Variants in COL28A1 observed in about 807,000 individuals in gnomAD.
The protein encoded by COL28A1 is collagen alpha-1(XXVIII) chain.
Under a neutral mutation model 150.2 loss-of-function variants are expected in COL28A1, and 161 were observed. The ratio of observed to expected loss-of-function variants is 1.07; its 90% CI spans 0.94 to 1.22. COL28A1 has a LOEUF of 1.22. Ranked by LOEUF, COL28A1 falls within the 50% of genes most tolerant of loss-of-function variation. The pLI is 0.00. For missense variants in COL28A1, 1,617 were observed against 1,388.3 expected (o/e 1.16, Z -2.62); for synonymous variants, 552 against 469.7 (o/e 1.18, Z -2.26).
intron 30 of COL28A1, among the ~76,000 whole-genome samples, chr7:7,378,522 T>C (rs967079729): frequency 6.6e-6 from 1 of 152,122 alleles, no homozygotes; most frequent in African/African-American, 2.4e-5. Context: ...ATCAATGGCA[T>C]TTGCCTCTTA....
chr7:7,493,193 A>T (rs1035327027), intron 11 of COL28A1, among the ~76,000 whole-genome samples: 2 of 151,844 alleles, frequency 1.3e-5, no homozygotes, highest in African/African-American at 4.8e-5. Context: ...TCCCTTCTAT[A>T]TGTAGCATTG....
At chr7:7,517,650 C>T (rs1241817728) in intron 7 of COL28A1, 146 bp downstream of exon 7, 8 of 1,142,308 alleles carry the variant, frequency 7.0e-6, no homozygotes, top group Admixed American at 2.1e-5. Context: ...AAGATCATAT[C>T]TTTCTGATTG....
intron 13 of COL28A1, among the ~76,000 whole-genome samples, chr7:7,478,496 G>A (rs925377275): frequency 5.9e-5 from 9 of 152,376 alleles, no homozygotes; most frequent in Admixed American, 1.3e-4. Flanking sequence ...AGTGGATCTC[G>A]CATGGGCTCG....
rs565873905 is a variant in COL28A1 at position 7,417,832 on chromosome 7, G to C, written c.2136+27C>G. ...CAATCACTCTGGTGAAATCAGAGGT[G>C]ACTCCAGCACAACCCTATTCACTTA... On this transcript the variant is annotated intron_variant, in intron 27 of 34. Transcript: ENST00000399429. The C allele has an allele frequency of 6.9e-6, 11 of 1,591,404 alleles. No individual in the cohort carries two copies. In the East Asian group the frequency reaches 2.0e-4, roughly 29 times the overall value.
At chr7:7,388,340 A>T (rs2128292800) in intron 27 of COL28A1, among the ~76,000 whole-genome samples, 1 of 151,930 alleles carries the variant, frequency 6.6e-6, no homozygotes, top group Non-Finnish European at 1.5e-5. Context: ...AAGGACATGA[A>T]CTCATCCTTT....
intron 20 of COL28A1, 40 bp from the exon 21 acceptor site, chr7:7,440,901 A>G (rs769910095): frequency 4.2e-6 from 4 of 950,314 alleles, no homozygotes; most frequent in Admixed American, 3.5e-5. Context: ...TTCGTATGGT[A>G]TTAGCAACCT....
intron 27 of COL28A1, among the ~76,000 whole-genome samples, chr7:7,406,038 G>A (rs550771288): frequency 1.1e-4 from 17 of 152,216 alleles, no homozygotes; most frequent in African/African-American, 3.6e-4. Context: ...TTGTGATCCT[G>A]CTGCTTTATA....
chr7:7,470,989 A>T (rs2128346465), intron 15 of COL28A1, among the ~76,000 whole-genome samples: 1 of 138,896 alleles, frequency 7.2e-6, no homozygotes, highest in Non-Finnish European at 1.6e-5. Context: ...GAGGGATAGC[A>T]CTGGGAGATA....
intron 27 of COL28A1, among the ~76,000 whole-genome samples, chr7:7,415,521 G>A (rs1379326518): frequency 6.6e-6 from 1 of 152,180 alleles, no homozygotes; most frequent in African/African-American, 2.4e-5. Context: ...TATGTCTAAA[G>A]AGGTTTTTCT....
chr7:7,501,951 A>G (rs6463697), intron 11 of COL28A1, among the ~76,000 whole-genome samples: 54,952 of 151,920 alleles, frequency 0.36, 12,970 homozygotes, highest in African/African-American at 0.68. Context: ...GCTGGAGTGC[A>G]GTGGTGCAAT....
chr7:7,418,870 A>G (rs1159708093), intron 26 of COL28A1, among the ~76,000 whole-genome samples: 1 of 152,172 alleles, frequency 6.6e-6, no homozygotes, highest in Non-Finnish European at 1.5e-5. Flanking sequence ...GTGATCTAGA[A>G]GGTTCAAAAA....
intron 15 of COL28A1, among the ~76,000 whole-genome samples, chr7:7,461,393 C>A (rs1452846917): frequency 3.3e-5 from 5 of 152,202 alleles, no homozygotes; most frequent in African/African-American, 1.2e-4. Flanking sequence ...CTGGCCAGAA[C>A]TCAGGAAAGG....
chr7:7,434,676 T>A (rs921223496), intron 23 of COL28A1, among the ~76,000 whole-genome samples: 2 of 152,210 alleles, frequency 1.3e-5, no homozygotes, highest in African/African-American at 4.8e-5. Context: ...TCCTTGCTCC[T>A]GCAAAAATCT....
intron 27 of COL28A1, among the ~76,000 whole-genome samples, chr7:7,392,814 T>C (rs982717299): frequency 1.3e-5 from 2 of 152,196 alleles, no homozygotes; most frequent in Non-Finnish European, 2.9e-5. Flanking sequence ...TGCTGTGTTT[T>C]TCAGCTCCAT....
At chr7:7,514,115 A>G (rs535126098) in intron 8 of COL28A1, among the ~76,000 whole-genome samples, 137 of 152,360 alleles carry the variant, frequency 9.0e-4, no homozygotes, top group African/African-American at 3.1e-3. Context: ...TCTTTTCAAA[A>G]AATATATGTA....
At chr7:7,392,694 A>C (rs1357045040) in intron 27 of COL28A1, among the ~76,000 whole-genome samples, 2 of 151,792 alleles carry the variant, frequency 1.3e-5, no homozygotes, top group African/African-American at 4.8e-5. Context: ...TTTTTCTCTA[A>C]TCTTGTCTTC....
At position 7,525,214 on chromosome 7, in the gene COL28A1, C is replaced by T. The variant is rs972079015; in HGVS notation, c.682-965G>A. 2.6e-4 allele frequency among the ~76,000 whole-genome samples: 40 copies of T among 152,218 alleles called. 1 individual carries two copies. The highest frequency in any genetic ancestry group is 2.6e-3 in the Admixed American group (40 of 15,286). ...AATGTGACTCAACTGAGGTAACACACTTGGGCTGCACCTCCTGACCGTCTT... is the reference window on the plus strand; with the variant it reads ...AATGTGACTCAACTGAGGTAACACATTTGGGCTGCACCTCCTGACCGTCTT... On this transcript the variant is annotated intron_variant, in intron 3 of 34. Coordinates refer to ENST00000399429, the MANE Select transcript of COL28A1 (RefSeq NM_001037763.3).
At chr7:7,391,638 T>C (rs1782546969) in intron 27 of COL28A1, among the ~76,000 whole-genome samples, 1 of 152,164 alleles carries the variant, frequency 6.6e-6, no homozygotes, top group Non-Finnish European at 1.5e-5. Flanking sequence ...CTCTAAGAAG[T>C]TGCTTTATAA....
At chr7:7,472,290 G>C (rs1788501539) in intron 15 of COL28A1, among the ~76,000 whole-genome samples, 1 of 152,042 alleles carries the variant, frequency 6.6e-6, no homozygotes, top group Non-Finnish European at 1.5e-5. Context: ...CCTCCAGAAA[G>C]CTCCTAGAAT....
Sources: gnomAD v4.1 joint callset for allele counts (sites outside exome capture counted in the v4.1 genomes callset) on GRCh38, gnomAD v4.1.1 for gene constraint, MANE v1.5 for transcripts, NCBI Gene and HGNC (gene_info 2026-07-23, HGNC 2026-07-21) for gene names.